ODAM: variants seen among roughly 807,000 people sequenced by gnomAD.
The protein encoded by ODAM is odontogenic ameloblast-associated protein.
ODAM carries 55 observed loss-of-function variants against 48.5 expected under a neutral mutation model. The ratio of observed to expected loss-of-function variants is 1.13; its 90% CI spans 0.91 to 1.42. ODAM has a LOEUF of 1.42. Ranked by LOEUF, ODAM falls within the 40% of genes most tolerant of loss-of-function variation. The pLI is 0.00. For missense variants in ODAM, 353 were observed against 323.6 expected, an observed-to-expected ratio of 1.09 and a Z score of -0.70; for synonymous variants, 127 against 107.8, an observed-to-expected ratio of 1.18 and a Z score of -1.10.
chr4:70,200,579 G>T lies in ODAM; in HGVS notation c.506G>T (p.Arg169Ile), dbSNP rs577843855. ...QTVPRSPQQTRQQQYEEQIPF... is the reference protein window; with the variant it reads ...QTVPRSPQQTIQQQYEEQIPF... ...GTTCCAAGGTCACCTCAACAAACAA[G>T]ACAGCAACAGTATGAGGAGCAGGTA... Residue 169 changes from arginine (R) to isoleucine (I), a missense_variant, in exon 7 of 12, where the codon AGA (arginine) becomes ATA (isoleucine). Arg to Ile is a moderately conservative substitution (Grantham distance 97). Transcript: ENST00000683306. 159 of 1,609,760 alleles carry T rather than the reference G, an allele frequency of 9.9e-5. No individual in the cohort carries two copies. The South Asian group carries it at 1.7e-3, about 17-fold the overall frequency.
intron 9 of ODAM, 37 bp downstream of exon 9, chr4:70,202,366 A>G: frequency 6.7e-7 from 1 of 1,498,360 alleles, no homozygotes; most frequent in Non-Finnish European, 9.3e-7. Flanking sequence ...GCTACTGGAA[A>G]TCAACAATTG....
chr4:70,203,677 T>A (rs1163719022), intron 11 of ODAM, among the ~76,000 whole-genome samples: 1 of 151,990 alleles, frequency 6.6e-6, no homozygotes, highest in Non-Finnish European at 1.5e-5. Context: ...CTTGAACTAA[T>A]TACCTGTTTT....
chr4:70,202,306 A>G lies in ODAM; in HGVS notation c.625A>G (p.Thr209Ala). The G allele has an allele frequency of 1.9e-6, 3 of 1,611,924 alleles. No homozygotes were observed. The highest frequency in any genetic ancestry group is 2.5e-6 in the Non-Finnish European group (3 of 1,178,592). ...ACTAGCTTTTGATCCCCAACTAGGC[A>G]CAGCTCCTGAAATTGCTGTGATGGT... The part of the protein sequence containing the change: ...QQLAFDPQLG[T>A]APEIAVMSTG... Residue 209 changes from threonine to alanine, a missense_variant, in exon 9 of 12, where the codon ACA becomes GCA. Coordinates refer to ENST00000683306, the MANE Select transcript of ODAM (RefSeq NM_017855.4).
chr4:70,197,626 A>G (rs1514392), intron 4 of ODAM: 154,238 of 533,806 alleles, frequency 0.29, 24,456 homozygotes, highest in South Asian at 0.49. Flanking sequence ...GCAGGTTGGC[A>G]GGTTTAGGGT....
In ODAM at chr4:70,202,810, G is replaced by T; in HGVS notation, c.703G>T (p.Asp235Tyr). The T allele has an allele frequency of 6.2e-7, 1 of 1,612,040 alleles. No homozygotes were observed. The highest frequency in any genetic ancestry group is 8.5e-7 in the Non-Finnish European group (1 of 1,178,782). ...AAAAGAAGCGATCAACTTTAGACATGACAGTGCAGGAGTTTTCATGCCCTC... is the reference window on the plus strand; with the variant it reads ...AAAAGAAGCGATCAACTTTAGACATTACAGTGCAGGAGTTTTCATGCCCTC... ...LQKEAINFRH[D>Y]SAGVFMPSTS... Residue 235 changes from aspartate to tyrosine, a missense_variant, in exon 10 of 12, where the codon GAC becomes TAC. Transcript: ENST00000683306.
chr4:70,200,168 A>G, intron 6 of ODAM: 1 of 416,238 alleles, frequency 2.4e-6, no homozygotes, highest in Non-Finnish European at 4.6e-6. Context: ...TACATAGGCT[A>G]TCTTTCACTT....
chr4:70,203,946 C>T (rs971711898), intron 11 of ODAM, among the ~76,000 whole-genome samples: 11 of 152,058 alleles, frequency 7.2e-5, no homozygotes, highest in African/African-American at 2.6e-4. Context: ...AATAATACCT[C>T]TTTAGGAAAG....
intron 4 of ODAM, chr4:70,197,723 T>C: frequency 1.7e-6 from 1 of 595,804 alleles, no homozygotes; most frequent in Non-Finnish European, 3.0e-6. Flanking sequence ...CTGCCCCATA[T>C]TTCTCATGGC....
In ODAM at chr4:70,202,875, T is replaced by C. The variant is rs1377542919; in HGVS notation, c.768T>C (p.Ser256=). Residue 256 remains serine (S), a synonymous_variant, in exon 10 of 12, where the codon TCT becomes TCC. Transcript: ENST00000683306. The part of the protein sequence containing the change: ...PKPSTTNVFT[S]AVDQTITPEL... The stretch of plus-strand genomic sequence containing the variant: ...CCAGCACAACCAATGTTTTCACTTC[T>C]GCTGTAGACCAAACTATTACCCCAG... 6.2e-7 allele frequency: 1 copy of C among 1,612,258 alleles called. No individual in the cohort carries two copies. Among genetic ancestry groups the C allele is most frequent in the Non-Finnish European group, 8.5e-7 (1 of 1,179,038 alleles).
chr4:70,199,784 G>GC (rs1560483705), intron 6 of ODAM, among the ~76,000 whole-genome samples: 2 of 151,700 alleles, frequency 1.3e-5, no homozygotes, highest in Admixed American at 1.3e-4. Context: ...AACCCTAGTT[G>GC]TTTTTTTTAA....
At chr4:70,198,409 A>C (rs941218025) in intron 5 of ODAM, among the ~76,000 whole-genome samples, 170 bp from the exon 6 acceptor site, 13 of 152,054 alleles carry the variant, frequency 8.5e-5, no homozygotes, top group African/African-American at 2.9e-4. Flanking sequence ...AGATAGGAAA[A>C]CTTCAATAAT....
chr4:70,197,536 G>T (rs1729398706), intron 4 of ODAM, among the ~76,000 whole-genome samples: 1 of 151,968 alleles, frequency 6.6e-6, no homozygotes, highest in South Asian at 2.1e-4. Context: ...CTTGGTATAT[G>T]CCAGGCACTA....
chr4:70,198,405 G>A (rs1364026531), intron 5 of ODAM, among the ~76,000 whole-genome samples, 174 bp from the exon 6 acceptor site: 1 of 151,996 alleles, frequency 6.6e-6, no homozygotes, highest in African/African-American at 2.4e-5. Context: ...GATAAGATAG[G>A]AAAACTTCAA....
At position 70,196,736 on chromosome 4, in the gene ODAM, T is replaced by C. The variant is rs1578235717; in HGVS notation, c.93+3T>C. 1.9e-6 allele frequency: 3 copies of C among 1,600,162 alleles called. No individual in the cohort carries two copies. In the African/African-American group the frequency reaches 4.0e-5, roughly 22 times the overall value. On this transcript the variant is annotated splice_donor_region_variant and intron_variant, in intron 3 of 11. Coordinates refer to ENST00000683306, the MANE Select transcript of ODAM (RefSeq NM_017855.4). ...TGTCTGCCAGCAATAGCAATGAGGT[T>C]AGTTTAAATAATTAAAACAATCTCC...
intron 7 of ODAM, 136 bp downstream of exon 7, chr4:70,200,737 G>A: frequency 1.8e-6 from 1 of 557,228 alleles, no homozygotes; most frequent in Non-Finnish European, 3.2e-6. Context: ...AGGCATAAGA[G>A]GGTAGGTATA....
intron 3 of ODAM, 38 bp from the exon 4 acceptor site, chr4:70,197,236 G>T: frequency 1.1e-6 from 1 of 918,930 alleles, no homozygotes; most frequent in South Asian, 1.3e-5. Flanking sequence ...ATTTTAGTGT[G>T]TAGTAATCTT....
Position 70,198,085 on chromosome 4 carries a change from A to G in ODAM, c.303A>G (p.Gln101=), listed in dbSNP as rs765841821. The G allele has an allele frequency of 4.3e-6, 7 of 1,613,338 alleles. No individual in the cohort carries two copies. The East Asian group carries it at 6.7e-5, about 15-fold the overall frequency. ...TAACAGGAGAGGCCAGTTTTGCCCA[A>G]GGAGCCCAGGCAGGCCAAGTTGATC... ...IPLTGEASFA[Q]GAQAGQVDPL... is the part of the protein sequence containing the mutation. The change falls in exon 5 of 12, where the codon CAA becomes CAG. Residue 101 remains glutamine, a synonymous_variant. Transcript: ENST00000683306.
Position 70,204,529 on chromosome 4 carries a change from G to A in ODAM, c.*384G>A, listed in dbSNP as rs1285368563. Reference sequence around the variant, plus strand: ...TGTATATTGTCATTGGATGTATGATGAGTGTTGTGATTGGAACTGATGAAG... The same window carrying A: ...TGTATATTGTCATTGGATGTATGATAAGTGTTGTGATTGGAACTGATGAAG... On this transcript the variant is annotated 3_prime_UTR_variant, in exon 12 of 12. Coordinates refer to ENST00000683306, the MANE Select transcript of ODAM (RefSeq NM_017855.4). The A allele has an allele frequency of 6.6e-6, 1 of 151,978 alleles. No individual in the cohort carries two copies. Among genetic ancestry groups the A allele is most frequent in the African/African-American group, 2.4e-5 (1 of 41,406 alleles). 9.4% of individuals were successfully genotyped at this position (151,978 alleles called of 1,614,324 possible). A position where few individuals can be genotyped will look rare whatever the true frequency, so the allele number is the denominator to read the frequency against.
In ODAM at chr4:70,202,816, G is replaced by T; in HGVS notation, c.709G>T (p.Ala237Ser). 2 of 1,612,032 alleles carry T rather than the reference G, an allele frequency of 1.2e-6. No individual in the cohort carries two copies. Among genetic ancestry groups the T allele is most frequent in the Non-Finnish European group, 1.7e-6 (2 of 1,178,786 alleles). Residue 237 changes from alanine (A) to serine (S), a missense_variant, in exon 10 of 12, where the codon GCA becomes TCA. Coordinates refer to ENST00000683306, the MANE Select transcript of ODAM (RefSeq NM_017855.4). Reference sequence around the variant, plus strand: ...AGCGATCAACTTTAGACATGACAGTGCAGGAGTTTTCATGCCCTCAACTTC... The same window carrying T: ...AGCGATCAACTTTAGACATGACAGTTCAGGAGTTTTCATGCCCTCAACTTC... ...KEAINFRHDS[A>S]GVFMPSTSPK...
Sources: gnomAD v4.1 joint callset for allele counts (sites outside exome capture counted in the v4.1 genomes callset) on GRCh38, gnomAD v4.1.1 for gene constraint, MANE v1.5 for transcripts, NCBI Gene and HGNC (gene_info 2026-07-23, HGNC 2026-07-21) for gene names.